The following TMPRSS11A variants were observed in gnomAD, a reference collection of about 807,000 sequenced individuals.
TMPRSS11A encodes transmembrane protease serine 11A.
Under a neutral mutation model 58.9 loss-of-function variants are expected in TMPRSS11A, and 53 were observed. The ratio of observed to expected loss-of-function variants is 0.90; its 90% CI spans 0.72 to 1.13. TMPRSS11A has a LOEUF of 1.13. Ranked by LOEUF, TMPRSS11A falls within the 50% of genes most tolerant of loss-of-function variation. The pLI, the probability that TMPRSS11A is intolerant of heterozygous loss-of-function variation, is 0.00. For missense variants in TMPRSS11A, 493 were observed against 499.3 expected (o/e 0.99, Z 0.12); for synonymous variants, 167 against 169.8 (o/e 0.98, Z 0.13).
intron 1 of TMPRSS11A, among the ~76,000 whole-genome samples, chr4:67,954,696 C>T (rs1721241569): frequency 6.6e-6 from 1 of 152,134 alleles, no homozygotes; most frequent in Non-Finnish European, 1.5e-5. Flanking sequence ...CATGAGTGAA[C>T]GGACTTCTAA....
chr4:67,954,324 C>T (rs987763143), intron 1 of TMPRSS11A, among the ~76,000 whole-genome samples: 5 of 152,214 alleles, frequency 3.3e-5, no homozygotes, highest in Admixed American at 1.3e-4. Context: ...ACTTCAATCC[C>T]CTGCCACTTC....
intron 9 of TMPRSS11A, 134 bp downstream of exon 9, chr4:67,914,454 G>A: frequency 2.7e-6 from 2 of 732,304 alleles, no homozygotes; most frequent in Non-Finnish European, 2.2e-6. Flanking sequence ...ATTTTGTGCT[G>A]TGAAATTTGC....
chr4:67,942,920 A>T (rs1379759885), intron 3 of TMPRSS11A, among the ~76,000 whole-genome samples: 3 of 152,220 alleles, frequency 2.0e-5, no homozygotes, highest in Admixed American at 6.6e-5. Flanking sequence ...AACAAAAGTG[A>T]TTTATAACAC....
At chr4:67,954,789 A>G (rs1319842293) in intron 1 of TMPRSS11A, among the ~76,000 whole-genome samples, 1 of 152,194 alleles carries the variant, frequency 6.6e-6, no homozygotes, top group East Asian at 1.9e-4. Context: ...GCCACTTGGT[A>G]GCTTTGCAAT....
chr4:67,925,484 C>T (rs1720442668), intron 5 of TMPRSS11A, among the ~76,000 whole-genome samples: 1 of 152,170 alleles, frequency 6.6e-6, no homozygotes, highest in South Asian at 2.1e-4. Context: ...TTGTTTCATT[C>T]TACTAACTTT....
intron 1 of TMPRSS11A, among the ~76,000 whole-genome samples, chr4:67,956,853 C>A (rs978339328): frequency 6.6e-6 from 1 of 152,178 alleles, no homozygotes; most frequent in Non-Finnish European, 1.5e-5. Context: ...CCACCCATAT[C>A]TTAGCTTGAA....
Position 67,924,973 on chromosome 4 carries a change from C to CTTT in TMPRSS11A, c.482-810_482-808dup, listed in dbSNP as rs11286541. 3.2e-3 allele frequency among the ~76,000 whole-genome samples: 443 copies of CTTT among 138,318 alleles called. 3 individuals carry two copies. The highest frequency in any genetic ancestry group is 0.011 in the African/African-American group (413 of 38,030). 90.7% of individuals were successfully genotyped at this position (138,318 alleles called of 152,430 possible). On this transcript the variant is annotated intron_variant, in intron 5 of 9. Transcript: ENST00000508048. The stretch of plus-strand genomic sequence containing the variant: ...TATTTACTTCGAATTTCACATAAAT[C>CTTT]TTTTTTTTTTTTTTTTTGGTTAAAG...
rs979709608 is a variant in TMPRSS11A, at chr4:67,910,991, G to T, written c.*351C>A. 1 of 167,692 alleles carries T rather than the reference G, an allele frequency of 6.0e-6. No homozygotes were observed. The highest frequency in any genetic ancestry group is 1.3e-5 in the Non-Finnish European group (1 of 78,744). The allele number at this position is 167,692 out of a possible 1,614,324, so 10.4% of individuals were successfully genotyped here. A position where few individuals can be genotyped will look rare whatever the true frequency, so the allele number is the denominator to read the frequency against. ...CTTGAACACTTTGTGAGTTCAAAAA[G>T]TTTCTCAGTTAAAAGGAGACCCTTG... On this transcript the variant is annotated 3_prime_UTR_variant, in exon 10 of 10. Transcript: ENST00000508048.
chr4:67,936,879 T>C (rs1227887709), intron 3 of TMPRSS11A, among the ~76,000 whole-genome samples: 1 of 152,220 alleles, frequency 6.6e-6, no homozygotes, highest in African/African-American at 2.4e-5. Flanking sequence ...TTGAATTGCT[T>C]TTGTAAAAGA....
chr4:67,926,592 C>T (rs545571784), intron 5 of TMPRSS11A, among the ~76,000 whole-genome samples: 3 of 152,300 alleles, frequency 2.0e-5, no homozygotes, highest in East Asian at 1.9e-4. Context: ...GGACCTGCTC[C>T]CAGGCCTGGA....
In TMPRSS11A at chr4:67,963,479, A is replaced by AGTT; in HGVS notation, c.-87_-86insAAC. The AGTT allele has an allele frequency of 7.0e-7, 1 of 1,433,046 alleles. No homozygotes were observed. The highest frequency in any genetic ancestry group is 9.7e-7 in the Non-Finnish European group (1 of 1,028,318). The allele number at this position is 1,433,046 out of a possible 1,614,324, so 88.8% of individuals were successfully genotyped here. On this transcript the variant is annotated 5_prime_UTR_variant, in exon 1 of 10. Transcript: ENST00000508048. ...ACTATATGACATCTCTAGATGTATT[A>AGTT]GAAGTCTACGGCTCAAAGAAATAAG...
intron 5 of TMPRSS11A, among the ~76,000 whole-genome samples, chr4:67,924,874 G>A (rs1720424516): frequency 6.6e-6 from 1 of 152,192 alleles, no homozygotes; most frequent in African/African-American, 2.4e-5. Context: ...ACACAGCCAA[G>A]CCATATGGCA....
intron 1 of TMPRSS11A, among the ~76,000 whole-genome samples, chr4:67,951,071 C>G (rs1313196391): frequency 6.6e-5 from 10 of 152,218 alleles, no homozygotes; most frequent in African/African-American, 1.9e-4. Flanking sequence ...CCCCAGAGTA[C>G]AGATGATCCT....
chr4:67,938,581 G>C (rs1329937291), intron 3 of TMPRSS11A, among the ~76,000 whole-genome samples: 4 of 151,952 alleles, frequency 2.6e-5, no homozygotes, highest in Non-Finnish European at 5.9e-5. Flanking sequence ...TCTTGAGTTA[G>C]TTTTTGTATT....
rs771789756 is a variant in TMPRSS11A at position 67,963,425 on chromosome 4, T to G, written c.-32A>C. 1 of 1,612,418 alleles carries G rather than the reference T, an allele frequency of 6.2e-7. No individual in the cohort carries two copies. Among genetic ancestry groups the G allele is most frequent in the South Asian group, 1.1e-5 (1 of 90,868 alleles). ...GAGGAAGAATATGATCTTGCAGGTC[T>G]GCACCCACTGAACTCAACTTTCTAA... On this transcript the variant is annotated 5_prime_UTR_variant, in exon 1 of 10. Transcript: ENST00000508048.
intron 3 of TMPRSS11A, among the ~76,000 whole-genome samples, chr4:67,942,075 A>G (rs1720894099): frequency 6.6e-6 from 1 of 152,342 alleles, no homozygotes; most frequent in Non-Finnish European, 1.5e-5. Flanking sequence ...ATGTACAGGC[A>G]ATTTATAGAA....
intron 3 of TMPRSS11A, among the ~76,000 whole-genome samples, chr4:67,932,712 A>T (rs1720660136): frequency 6.6e-6 from 1 of 152,050 alleles, no homozygotes; most frequent in Non-Finnish European, 1.5e-5. Flanking sequence ...AGGTGTAAGG[A>T]GGAGGCATTA....
chr4:67,934,442 T>A (rs960103344), intron 3 of TMPRSS11A, among the ~76,000 whole-genome samples: 2 of 152,184 alleles, frequency 1.3e-5, no homozygotes, highest in Non-Finnish European at 2.9e-5. Flanking sequence ...TCCCAGAAGT[T>A]TCAGAGAAAC....
At position 67,911,420 on chromosome 4, in the gene TMPRSS11A, A is replaced by G. The variant is rs760201060; in HGVS notation, c.1179T>C (p.Cys393=). ...AGACTCCAGGCTTGTCCTTTTGACC[A>G]CAGTTATCTCCCCAGCTTACAATTC... ...LIGIVSWGDN[C]GQKDKPGVYT... The change falls in exon 10 of 10, where the codon TGT becomes TGC. Residue 393 remains cysteine, a synonymous_variant. Coordinates refer to ENST00000508048, the MANE Select transcript of TMPRSS11A (RefSeq NM_001114387.2). 6.2e-7 allele frequency: 1 copy of G among 1,613,622 alleles called. No homozygotes were observed. The highest frequency in any genetic ancestry group is 8.5e-7 in the Non-Finnish European group (1 of 1,179,716).
Sources: allele counts gnomAD v4.1 joint callset (sites outside exome capture counted in the v4.1 genomes callset), GRCh38; gene constraint gnomAD v4.1.1; transcripts MANE v1.5; gene names NCBI Gene and HGNC (gene_info 2026-07-23, HGNC 2026-07-21).